The following RGS7 variants were observed in gnomAD, a reference collection of about 807,000 sequenced individuals.
The protein encoded by RGS7 is regulator of G protein signaling 7.
In RGS7, 27 loss-of-function variants were observed where a neutral mutation model predicts 81.1. The ratio of observed to expected loss-of-function variants is 0.33; its 90% CI spans 0.25 to 0.46. The LOEUF (loss-of-function observed/expected upper bound fraction) is 0.46. RGS7 is among the 20% of genes least tolerant of loss of function. The pLI, the probability that RGS7 is intolerant of heterozygous loss-of-function variation, is 1.00. For synonymous variants in RGS7, 208 were observed against 207.7 expected (o/e 1.00, Z -0.01); for missense variants, 396 against 607.4 (o/e 0.65, Z 3.66).
chr1:240,895,653 T>G (rs1054785532), intron 6 of RGS7, among the ~76,000 whole-genome samples: 5 of 152,346 alleles, frequency 3.3e-5, no homozygotes, highest in Non-Finnish European at 7.3e-5. Context: ...TTCCATGGTG[T>G]ATATGTGCCA....
intron 2 of RGS7, among the ~76,000 whole-genome samples, chr1:241,201,917 G>A (rs1204052831): frequency 6.6e-6 from 1 of 151,706 alleles, no homozygotes; most frequent in African/African-American, 2.4e-5. Flanking sequence ...TTGTTTATAT[G>A]TGTCTCCCTA....
chr1:241,206,290 GCTCGGCTCACTGCAGC>G (rs2073884082), intron 2 of RGS7, among the ~76,000 whole-genome samples: 1 of 148,896 alleles, frequency 6.7e-6, no homozygotes, highest in Non-Finnish European at 1.5e-5. Flanking sequence ...GTGCAGTGGC[GCTCGGCTCACTGCAGC>G]CTCCCCTTCC....
chr1:241,039,191 G>A (rs2060481727), intron 3 of RGS7, among the ~76,000 whole-genome samples: 2 of 152,122 alleles, frequency 1.3e-5, no homozygotes, highest in Admixed American at 1.3e-4. Flanking sequence ...TAGTTGCATT[G>A]GTCCAGGGAA....
intron 10 of RGS7, 34 bp downstream of exon 10, chr1:240,827,064 T>A: frequency 1.3e-6 from 2 of 1,537,380 alleles, no homozygotes; most frequent in African/African-American, 1.4e-5. Context: ...ATGCAATCCA[T>A]CACCAAGATC....
rs140107478 is a variant in RGS7, at chr1:240,855,329, G to GAA, written c.609+13257_609+13258insTT. On this transcript the variant is annotated intron_variant, in intron 9 of 18. Transcript: ENST00000440928. ...GTCTCAAAAAAAAAAAAAAAAAAAGGAGAAACAAAGAAGAAAAGGAAGAAA... is the reference window on the plus strand; with the variant it reads ...GTCTCAAAAAAAAAAAAAAAAAAAGGAAAGAAACAAAGAAGAAAAGGAAGAAA... 2.6e-5 allele frequency among the ~76,000 whole-genome samples: 3 copies of GAA among 114,840 alleles called. 1 individual carries two copies. Among genetic ancestry groups the GAA allele is most frequent in the Non-Finnish European group, 5.0e-5 (3 of 60,504 alleles). The allele number at this position is 114,840 out of a possible 152,430, so 75.3% of individuals were successfully genotyped here. A position where few individuals can be genotyped will look rare whatever the true frequency, so the allele number is the denominator to read the frequency against.
At chr1:241,058,164 A>G (rs1482198914) in intron 3 of RGS7, among the ~76,000 whole-genome samples, 1 of 152,178 alleles carries the variant, frequency 6.6e-6, no homozygotes, top group African/African-American at 2.4e-5. Flanking sequence ...AAATGGGCTC[A>G]AACATGTGCA....
chr1:241,306,465 C>T (rs373665491), intron 2 of RGS7, among the ~76,000 whole-genome samples: 16 of 150,162 alleles, frequency 1.1e-4, no homozygotes, highest in South Asian at 6.4e-4. Context: ...CATATGCACA[C>T]GTCCACTCAC....
At chr1:241,342,586 C>T (rs536078316) in intron 2 of RGS7, among the ~76,000 whole-genome samples, 2 of 152,252 alleles carry the variant, frequency 1.3e-5, no homozygotes, top group South Asian at 4.1e-4. Context: ...AAAAACCTCC[C>T]CATGATCAAA....
At chr1:240,952,719 T>C (rs1679765024) in intron 4 of RGS7, among the ~76,000 whole-genome samples, 1 of 151,888 alleles carries the variant, frequency 6.6e-6, no homozygotes, top group Non-Finnish European at 1.5e-5. Context: ...AATATAATGG[T>C]CTAAATACAC....
At chr1:241,093,707 TCTGTGG>T (rs2064047397) in intron 3 of RGS7, among the ~76,000 whole-genome samples, 1 of 152,186 alleles carries the variant, frequency 6.6e-6, no homozygotes, top group South Asian at 2.1e-4. Context: ...AATTAGAATA[TCTGTGG>T]TTTGCATTTG....
At chr1:240,878,903 T>C (rs557752307) in intron 6 of RGS7, among the ~76,000 whole-genome samples, 1 of 152,278 alleles carries the variant, frequency 6.6e-6, no homozygotes, top group East Asian at 1.9e-4. Context: ...TATTACTAAA[T>C]ACACAAGTTT....
At chr1:241,125,588 G>A (rs928125661) in intron 2 of RGS7, among the ~76,000 whole-genome samples, 4 of 152,054 alleles carry the variant, frequency 2.6e-5, no homozygotes, top group Non-Finnish European at 5.9e-5. Flanking sequence ...GCCCAACAAA[G>A]GCACTTCTCT....
In RGS7 at chr1:241,263,779, C is replaced by T. The variant is rs537222170; in HGVS notation, c.78+91920G>A. 2.6e-5 allele frequency among the ~76,000 whole-genome samples: 4 copies of T among 152,146 alleles called. No homozygotes were observed. In the East Asian group the frequency reaches 5.8e-4, roughly 22 times the overall value. On this transcript the variant is annotated intron_variant, in intron 2 of 18. Coordinates refer to ENST00000440928, the MANE Select transcript of RGS7 (RefSeq NM_001364886.1). ...ATTTTTAAAAAAGAGTCCAAAATGC[C>T]GGCCTCATGAACCTTACATTTACCA...
chr1:241,315,107 C>CTTTTTTTTTTTTTTTTT lies in RGS7; in HGVS notation c.78+40575_78+40591dup, dbSNP rs5782184. On this transcript the variant is annotated intron_variant, in intron 2 of 18. Transcript: ENST00000440928. ...GAAGCTTTTTTTTTTTCTTCTTCTT[C>CTTTTTTTTTTTTTTTTT]TTTTTTTTTTTTTTTTTTTTTTTTT... Among the ~76,000 whole-genome samples, 25 of 57,430 alleles carry CTTTTTTTTTTTTTTTTT rather than the reference C, an allele frequency of 4.4e-4. 5 individuals are homozygous for CTTTTTTTTTTTTTTTTT. Among genetic ancestry groups the CTTTTTTTTTTTTTTTTT allele is most frequent in the South Asian group, 9.3e-4 (1 of 1,070 alleles). The allele number at this position is 57,430 out of a possible 152,430, so 37.7% of individuals were successfully genotyped here. A position where few individuals can be genotyped will look rare whatever the true frequency, so the allele number is the denominator to read the frequency against.
At chr1:241,335,020 C>A (rs1370243011) in intron 2 of RGS7, among the ~76,000 whole-genome samples, 1 of 152,150 alleles carries the variant, frequency 6.6e-6, no homozygotes, top group African/African-American at 2.4e-5. Context: ...ATTGATTATT[C>A]CAATCTCCAC....
At chr1:241,077,395 A>G (rs943917127) in intron 3 of RGS7, among the ~76,000 whole-genome samples, 1 of 152,230 alleles carries the variant, frequency 6.6e-6, no homozygotes, top group Admixed American at 6.5e-5. Flanking sequence ...ATTAATAATA[A>G]GTCTCCAAAT....
At chr1:241,301,179 T>C (rs1005942715) in intron 2 of RGS7, among the ~76,000 whole-genome samples, 1 of 152,234 alleles carries the variant, frequency 6.6e-6, no homozygotes, top group East Asian at 1.9e-4. Flanking sequence ...GGTTTTCACA[T>C]TCTACCCTGC....
chr1:241,097,326 G>A (rs1299288681), intron 3 of RGS7, among the ~76,000 whole-genome samples: 4 of 152,074 alleles, frequency 2.6e-5, no homozygotes, highest in Non-Finnish European at 5.9e-5. Flanking sequence ...GGGCATAAGA[G>A]GGAGTAACAG....
chr1:241,222,896 T>C (rs1235845495), intron 2 of RGS7, among the ~76,000 whole-genome samples: 2 of 150,494 alleles, frequency 1.3e-5, no homozygotes, highest in African/African-American at 4.9e-5. Flanking sequence ...CTCCCACTTA[T>C]GGGTGAGAAC....
Sources: gnomAD v4.1 joint callset for allele counts (sites outside exome capture counted in the v4.1 genomes callset) on GRCh38, gnomAD v4.1.1 for gene constraint, MANE v1.5 for transcripts, NCBI Gene and HGNC (gene_info 2026-07-23, HGNC 2026-07-21) for gene names.